The following SYNE1 variants were observed in gnomAD, a reference collection of about 807,000 sequenced individuals.
SYNE1 encodes spectrin repeat containing nuclear envelope protein 1.
A neutral mutation model predicts 1,111.0 loss-of-function variants in SYNE1; 616 were observed. The observed-to-expected ratio is 0.55, with a 90% CI of 0.52 to 0.59. The LOEUF is 0.59. Ranked by LOEUF, SYNE1 falls within the 20% of genes least tolerant of loss-of-function variation. The probability of loss-of-function intolerance (pLI) is 0.00; values close to 1 mark genes in which losing one functional copy is unlikely to be tolerated. For missense variants in SYNE1, 10,006 were observed against 10,417.0 expected (o/e 0.96, Z 1.72); for synonymous variants, 3,855 against 3,825.8 (o/e 1.01, Z -0.28).
Position 152,208,084 on chromosome 6 carries a change from A to G in SYNE1, c.22712T>C (p.Met7571Thr). ...CAACCATTTACGAAGCTTTTCTGCC[A>G]TCTCCCTATAGCGCTGCCACTGGCG... ...QIRQWQRYRE[M>T]AEKLRKWLVE... The change falls in exon 125 of 146, where the codon ATG becomes ACG. Residue 7571 changes from methionine (M) to threonine (T), a missense_variant. Coordinates refer to ENST00000367255, the MANE Select transcript of SYNE1 (RefSeq NM_182961.4). 2 of 1,614,068 alleles carry G rather than the reference A, an allele frequency of 1.2e-6. No homozygotes were observed. Among genetic ancestry groups the G allele is most frequent in the Non-Finnish European group, 1.7e-6 (2 of 1,179,998 alleles).
chr6:152,574,337 GCCTCAGAAACGTGTCTGCA>G, intron 3 of SYNE1, among the ~76,000 whole-genome samples: 1 of 152,072 alleles, frequency 6.6e-6, no homozygotes, highest in East Asian at 1.9e-4. Context: ...CTGGAGAGTT[GCCTCAGAAACGTGTCTGCA>G]CCTCTGCAAA....
chr6:152,354,453 A>T (rs939587256), intron 67 of SYNE1, among the ~76,000 whole-genome samples: 5 of 152,254 alleles, frequency 3.3e-5, no homozygotes, highest in Non-Finnish European at 7.3e-5. Context: ...AAATGGTTAC[A>T]TTAAACTACC....
At chr6:152,431,272 A>G (rs556782131) in intron 34 of SYNE1, among the ~76,000 whole-genome samples, 1 of 152,276 alleles carries the variant, frequency 6.6e-6, no homozygotes, top group Non-Finnish European at 1.5e-5. Flanking sequence ...TCTGGTCCCT[A>G]TTCTCCGGGA....
chr6:152,263,298 G>A (rs1366933941), intron 100 of SYNE1, among the ~76,000 whole-genome samples: 1 of 152,150 alleles, frequency 6.6e-6, no homozygotes, highest in East Asian at 1.9e-4. Context: ...ACAGGACACG[G>A]AGGGATAGTG....
At chr6:152,178,380 G>A (rs926032749) in intron 129 of SYNE1, among the ~76,000 whole-genome samples, 4 of 152,192 alleles carry the variant, frequency 2.6e-5, no homozygotes, top group Non-Finnish European at 5.9e-5. Context: ...GGGCAACCGT[G>A]AGCAGATGCT....
In SYNE1 at chr6:152,483,191, C is replaced by T. The variant is rs1459930095; in HGVS notation, c.1244G>A (p.Gly415Asp). Residue 415 changes from glycine (G) to aspartate (D), a missense_variant, in exon 14 of 146, where the codon GGT becomes GAT. Transcript: ENST00000367255. The stretch of plus-strand genomic sequence containing the variant: ...CACCTCCGCTCTGTACAGCCAGGCA[C>T]CTATGGTGCCCAGAGGTGCAGGAAG... Reference protein sequence around the residue: ...KSLPAPLGTIGAWLYRAEVAL... With the variant: ...KSLPAPLGTIDAWLYRAEVAL... The T allele has an allele frequency of 6.2e-7, 1 of 1,614,010 alleles. No homozygotes were observed. The highest frequency in any genetic ancestry group is 1.3e-5 in the African/African-American group (1 of 74,910).
At position 152,416,564 on chromosome 6, in the gene SYNE1, T is replaced by A; in HGVS notation, c.5873A>T (p.Glu1958Val). Residue 1958 changes from glutamate (E) to valine (V), a missense_variant, in exon 41 of 146, where the codon GAG (glutamate) becomes GTG (valine). Glu to Val is a moderately radical substitution (Grantham distance 121). Around this residue, in one of 7 missense-constraint regions of SYNE1, gnomAD observed 4,955 missense variants for 5,017.2 expected, o/e 0.99. Transcript: ENST00000367255. ...CRATADQLCGEVERIQNLLGT... is the reference protein window; with the variant it reads ...CRATADQLCGVVERIQNLLGT... ...CAGAAGGTTCTGGATCCTCTCTACC[T>A]CTCCACAGAGCTGATCAGCCGTGGC... The A allele has an allele frequency of 6.2e-7, 1 of 1,614,016 alleles. No individual in the cohort carries two copies. The highest frequency in any genetic ancestry group is 8.5e-7 in the Non-Finnish European group (1 of 1,180,010).
intron 55 of SYNE1, chr6:152,381,714 G>C: frequency 8.7e-6 from 3 of 343,480 alleles, no homozygotes; most frequent in Non-Finnish European, 5.6e-6. Flanking sequence ...TTCCCTCAAA[G>C]TGGATGCTCA....
At chr6:152,513,536 G>T (rs1056495681) in intron 6 of SYNE1, among the ~76,000 whole-genome samples, 2 of 152,140 alleles carry the variant, frequency 1.3e-5, no homozygotes, top group Non-Finnish European at 2.9e-5. Flanking sequence ...GTTTTGCCAT[G>T]TTGGCCAGGC....
At chr6:152,251,722 G>A (rs1030028016) in intron 104 of SYNE1, among the ~76,000 whole-genome samples, 1 of 151,998 alleles carries the variant, frequency 6.6e-6, no homozygotes, top group Non-Finnish European at 1.5e-5. Flanking sequence ...TCCCGCCACT[G>A]CACTCCAGCC....
At chr6:152,566,043 T>A (rs937762025) in intron 3 of SYNE1, among the ~76,000 whole-genome samples, 3 of 152,178 alleles carry the variant, frequency 2.0e-5, no homozygotes, top group African/African-American at 7.2e-5. Flanking sequence ...CCTTGTAAAC[T>A]TAGTTCCTTT....
intron 143 of SYNE1, 80 bp from the exon 144 acceptor site, chr6:152,132,294 C>A: frequency 9.0e-7 from 1 of 1,113,868 alleles, no homozygotes; most frequent in Non-Finnish European, 1.4e-6. Context: ...TTATCTCCCA[C>A]TCCATCTCCA....
chr6:152,604,947 A>AGAAAGAAG (rs2099607611), intron 3 of SYNE1, among the ~76,000 whole-genome samples: 2 of 14,600 alleles, frequency 1.4e-4, no homozygotes, highest in African/African-American at 5.0e-4. Context: ...TATCTCACAA[A>AGAAAGAAG]GAAAGAAAGA....
rs749509412 is a variant in SYNE1 at position 152,458,898 on chromosome 6, C to T, written c.2427G>A (p.Glu809=). The change falls in exon 22 of 146, where the codon GAG becomes GAA. Residue 809 remains glutamate (E), a synonymous_variant. Coordinates refer to ENST00000367255, the MANE Select transcript of SYNE1 (RefSeq NM_182961.4). ...VKECYSPLLY[E]SQQLLIPLEE... ...CCAACGGAATCAACAGCTGCTGAGA[C>T]TCATAAAGGAGTGGGGAGTAACATT... 9.0e-5 allele frequency: 146 copies of T among 1,613,868 alleles called. No homozygotes were observed. Among genetic ancestry groups the T allele is most frequent in the Non-Finnish European group, 1.1e-4 (125 of 1,179,970 alleles).
chr6:152,480,009 C>G (rs1324772040), intron 14 of SYNE1, among the ~76,000 whole-genome samples: 2 of 152,098 alleles, frequency 1.3e-5, no homozygotes, highest in Non-Finnish European at 2.9e-5. Flanking sequence ...ATAGCTTGTT[C>G]AAGTTTTCTT....
chr6:152,337,602 T>C (rs1027177582), intron 75 of SYNE1, among the ~76,000 whole-genome samples: 7 of 152,198 alleles, frequency 4.6e-5, no homozygotes, highest in African/African-American at 1.7e-4. Context: ...CTCTAATAAG[T>C]TTTATCAATG....
rs377386878 is a variant in SYNE1, at chr6:152,522,720, GT to G, written c.226-2179del. 2.0e-3 allele frequency among the ~76,000 whole-genome samples: 298 copies of G among 152,050 alleles called. 2 individuals are homozygous for G. The highest frequency in any genetic ancestry group is 6.8e-3 in the Middle Eastern group (2 of 294). On this transcript the variant is annotated intron_variant, in intron 5 of 145. Transcript: ENST00000367255. The stretch of plus-strand genomic sequence containing the variant: ...CAACACTTCCATGCCAACATCTATT[GT>G]TTTTTGACTTTTTAATAATGGCGAT...
At chr6:152,128,888 C>T (rs1015794970) in intron 145 of SYNE1, 1 of 152,184 alleles carries the variant, frequency 6.6e-6, no homozygotes, top group Non-Finnish European at 1.5e-5. Context: ...ACAGAGGTAC[C>T]GACGGTAACG....
intron 11 of SYNE1, among the ~76,000 whole-genome samples, chr6:152,494,361 A>G (rs1564440362): frequency 6.6e-6 from 1 of 151,806 alleles, no homozygotes; most frequent in Admixed American, 6.6e-5. Flanking sequence ...ACCACACCTG[A>G]CCCCCATGAT....
Sources: gnomAD v4.1 joint callset for allele counts (sites outside exome capture counted in the v4.1 genomes callset) on GRCh38, gnomAD v4.1.1 for gene constraint, gnomAD v4.1.1 regional missense constraint, MANE v1.5 for transcripts, NCBI Gene and HGNC (gene_info 2026-07-23, HGNC 2026-07-21) for gene names.